PARG: variants seen among roughly 807,000 people sequenced by gnomAD.
PARG encodes mitochondrial poly(ADP-ribose) glycohydrolase.
Under a neutral mutation model 113.0 loss-of-function variants are expected in PARG, and 35 were observed. That is an observed-to-expected ratio of 0.31 (90% CI 0.24 to 0.41). PARG has a LOEUF of 0.41. Among genes scored for constraint, PARG ranks in the 10% least tolerant of loss-of-function variants. The probability of loss-of-function intolerance (pLI) is 1.00; values close to 1 mark genes in which losing one functional copy is unlikely to be tolerated. For missense variants in PARG, 797 were observed against 1,169.4 expected (o/e 0.68, Z 4.64); for synonymous variants, 330 against 409.9 (o/e 0.81, Z 2.36).
At chr10:49,903,323 C>G (rs1848428874) in intron 7 of PARG, among the ~76,000 whole-genome samples, 2 of 152,102 alleles carry the variant, frequency 1.3e-5, no homozygotes, top group African/African-American at 2.4e-5. Flanking sequence ...GTTATGCATA[C>G]TGGCCTTACC....
intron 1 of PARG, among the ~76,000 whole-genome samples, chr10:49,938,195 T>G (rs1317202131): frequency 1.3e-5 from 2 of 152,300 alleles, no homozygotes; most frequent in South Asian, 4.1e-4. Context: ...ACCCAGAAAA[T>G]GAAGCTAACA....
intron 11 of PARG, among the ~76,000 whole-genome samples, chr10:49,862,185 T>C (rs1554836092): frequency 6.6e-6 from 1 of 151,604 alleles, no homozygotes; most frequent in East Asian, 1.9e-4. Context: ...CAGATAAACT[T>C]AGTACCTGTA....
intron 7 of PARG, among the ~76,000 whole-genome samples, chr10:49,898,206 T>A (rs543580773): frequency 9.7e-4 from 148 of 152,362 alleles, no homozygotes; most frequent in Admixed American, 3.6e-3. Context: ...TAACTTTAAC[T>A]TACAGAGTTA....
At chr10:49,938,055 A>G (rs1456920777) in intron 1 of PARG, among the ~76,000 whole-genome samples, 1 of 152,194 alleles carries the variant, frequency 6.6e-6, no homozygotes, top group Non-Finnish European at 1.5e-5. Flanking sequence ...AGGCAAAAAG[A>G]GTGGCAATAA....
At chr10:49,847,523 A>G (rs527854248) in intron 13 of PARG, among the ~76,000 whole-genome samples, 9 of 152,344 alleles carry the variant, frequency 5.9e-5, no homozygotes, top group Middle Eastern at 3.4e-3. Context: ...CACAAGAAGG[A>G]CAATCTACAA....
chr10:49,933,664 G>C lies in PARG; in HGVS notation c.784C>G (p.Pro262Ala), dbSNP rs1298432051. 1.2e-6 allele frequency: 2 copies of C among 1,609,972 alleles called. No individual in the cohort carries two copies. Among genetic ancestry groups the C allele is most frequent in the African/African-American group, 2.7e-5 (2 of 74,798 alleles). The change falls in exon 3 of 18, where the codon CCA becomes GCA. Residue 262 changes from proline (P) to alanine (A), a missense_variant. Pro to Ala is a conservative substitution (Grantham distance 27, BLOSUM62 -1). Transcript: ENST00000616448. ...QDEIDVVPESPLSDVGSEDVG... is the reference protein window; with the variant it reads ...QDEIDVVPESALSDVGSEDVG... ...TCCTCAGAGCCAACATCTGACAATG[G>C]ACTCTCTGGCACCACATCTATCTCA...
intron 16 of PARG, among the ~76,000 whole-genome samples, chr10:49,826,035 T>A (rs1200584412): frequency 6.6e-6 from 1 of 152,194 alleles, no homozygotes; most frequent in Admixed American, 6.5e-5. Flanking sequence ...CAAAGAGCAT[T>A]ACCTTTGAGC....
At chr10:49,862,803 T>C (rs1480703342) in intron 11 of PARG, among the ~76,000 whole-genome samples, 4 of 152,026 alleles carry the variant, frequency 2.6e-5, no homozygotes, top group Admixed American at 2.0e-4. Context: ...CAGTCTCTTG[T>C]AGAAAACAGT....
chr10:49,822,024 A>G (rs961011042), intron 16 of PARG, among the ~76,000 whole-genome samples: 2 of 152,180 alleles, frequency 1.3e-5, no homozygotes, highest in Non-Finnish European at 2.9e-5. Flanking sequence ...AGTAGAGGTG[A>G]AGCAACTCTG....
chr10:49,903,558 G>A (rs1848437612), intron 7 of PARG, among the ~76,000 whole-genome samples: 1 of 152,100 alleles, frequency 6.6e-6, no homozygotes, highest in Non-Finnish European at 1.5e-5. Context: ...TGAATATTCA[G>A]ACATTTCGTG....
chr10:49,857,666 CAG>C (rs2132523116), intron 12 of PARG, among the ~76,000 whole-genome samples: 1 of 151,612 alleles, frequency 6.6e-6, no homozygotes, highest in East Asian at 2.0e-4. Context: ...ATCCCAGAAC[CAG>C]AGAAGCAATC....
chr10:49,936,338 A>AAG (rs1838735965), intron 1 of PARG, among the ~76,000 whole-genome samples: 1 of 152,190 alleles, frequency 6.6e-6, no homozygotes, highest in South Asian at 2.1e-4. Flanking sequence ...TATGGAATAC[A>AAG]AGAGAATTGT....
chr10:49,904,917 AAAAT>A lies in PARG; in HGVS notation c.1737+10996_1737+10999del, dbSNP rs60426487. 1.5e-3 allele frequency among the ~76,000 whole-genome samples: 217 copies of A among 147,914 alleles called. 2 individuals carry two copies. The highest frequency in any genetic ancestry group is 3.4e-3 in the Middle Eastern group (1 of 290). ...CGCAACAGACCAAGAGAACATCTCA[AAAAT>A]AAATAAATAAATAAATAAATAAATA... is the stretch of plus-strand genomic sequence containing the variant. On this transcript the variant is annotated intron_variant, in intron 7 of 17. Coordinates refer to ENST00000616448, the MANE Select transcript of PARG (RefSeq NM_003631.5).
chr10:49,832,671 T>G, intron 16 of PARG, 132 bp downstream of exon 16: 1 of 543,248 alleles, frequency 1.8e-6, no homozygotes, highest in South Asian at 2.7e-5. Context: ...AAAAAGAAAA[T>G]AGTGTTAAAT....
chr10:49,838,754 G>T (rs1046667185), intron 15 of PARG, among the ~76,000 whole-genome samples: 3 of 151,984 alleles, frequency 2.0e-5, no homozygotes, highest in Non-Finnish European at 2.9e-5. Context: ...TGACTGAAAA[G>T]AATCTTTTAT....
chr10:49,836,080 A>T (rs1161995808), intron 15 of PARG, among the ~76,000 whole-genome samples: 1 of 152,164 alleles, frequency 6.6e-6, no homozygotes, highest in Non-Finnish European at 1.5e-5. Context: ...CACAGTGACT[A>T]CTTCACAGAA....
intron 4 of PARG, among the ~76,000 whole-genome samples, chr10:49,927,369 G>GGA (rs1838239710): frequency 2.3e-5 from 3 of 130,676 alleles, no homozygotes. Flanking sequence ...AAGGAAAGAA[G>GGA]GAAAGAAAGA....
At chr10:49,899,896 A>G (rs1588962381) in intron 7 of PARG, among the ~76,000 whole-genome samples, 1 of 152,236 alleles carries the variant, frequency 6.6e-6, no homozygotes, top group African/African-American at 2.4e-5. Context: ...ACAGCTCATT[A>G]TAAGCATTTA....
In PARG at chr10:49,904,742, C is replaced by T. The variant is rs564109429; in HGVS notation, c.1737+11175G>A. Among the ~76,000 whole-genome samples the T allele has an allele frequency of 1.0e-3, 154 of 151,888 alleles. 3 individuals are homozygous for T. The South Asian group carries it at 0.029, about 29-fold the overall frequency. On this transcript the variant is annotated intron_variant, in intron 7 of 17. Transcript: ENST00000616448. The stretch of plus-strand genomic sequence containing the variant: ...ACCAGCCTGGCCAACATGGTGAAAC[C>T]CCATCTCTACTAAAAATATAAAAAT...
Sources: allele counts gnomAD v4.1 joint callset (sites outside exome capture counted in the v4.1 genomes callset), GRCh38; gene constraint gnomAD v4.1.1; transcripts MANE v1.5; gene names NCBI Gene and HGNC (gene_info 2026-07-23, HGNC 2026-07-21).